KIDINS220: variants seen among roughly 807,000 people sequenced by gnomAD.
KIDINS220 encodes the protein kinase D-interacting substrate of 220 kDa.
KIDINS220 carries 63 observed loss-of-function variants against 157.6 expected under a neutral mutation model. That is an observed-to-expected ratio of 0.40 (90% CI 0.33 to 0.49). The LOEUF (loss-of-function observed/expected upper bound fraction) is 0.49, where lower values mean the gene tolerates loss of function less well. Among genes scored for constraint, KIDINS220 ranks in the 20% least tolerant of loss-of-function variants. KIDINS220 has a pLI of 0.66. For missense variants in KIDINS220, 1,772 were observed against 2,171.2 expected (o/e 0.82, Z 3.65); for synonymous variants, 732 against 783.6 (o/e 0.93, Z 1.10).
At chr2:8,819,896 A>G (rs541283895) in intron 2 of KIDINS220, among the ~76,000 whole-genome samples, 1 of 152,288 alleles carries the variant, frequency 6.6e-6, no homozygotes, top group East Asian at 1.9e-4. Context: ...TAAAGGTACT[A>G]AGACACACTA....
chr2:8,772,337 G>A (rs112111708), intron 21 of KIDINS220, among the ~76,000 whole-genome samples: 3,845 of 152,072 alleles, frequency 0.025, 192 homozygotes, highest in African/African-American at 0.087. Context: ...TTAGCCGAGC[G>A]TGGTGGCAGG....
At chr2:8,785,610 A>C in intron 17 of KIDINS220, 131 bp downstream of exon 17, 1 of 821,734 alleles carries the variant, frequency 1.2e-6, no homozygotes, top group Non-Finnish European at 1.9e-6. Flanking sequence ...CGAATGAATG[A>C]ATGAACAAAT....
At chr2:8,749,462 T>A (rs1395964312) in intron 24 of KIDINS220, 2 of 454,314 alleles carry the variant, frequency 4.4e-6, no homozygotes, top group Non-Finnish European at 8.8e-6. Flanking sequence ...AAAGTGAGAA[T>A]ATAGCTTGGG....
intron 6 of KIDINS220, 59 bp from the exon 7 acceptor site, chr2:8,806,428 C>A: frequency 2.0e-6 from 2 of 1,015,296 alleles, no homozygotes; most frequent in South Asian, 1.6e-5. Flanking sequence ...AAGAAACTAG[C>A]TCTTAACATG....
At chr2:8,799,500 C>T (rs559837483) in intron 9 of KIDINS220, among the ~76,000 whole-genome samples, 34 of 152,172 alleles carry the variant, frequency 2.2e-4, no homozygotes, top group African/African-American at 8.2e-4. Context: ...TTCCAAAAGC[C>T]CCAGACCTTA....
At chr2:8,832,963 T>C (rs1679870890) in intron 1 of KIDINS220, among the ~76,000 whole-genome samples, 1 of 152,218 alleles carries the variant, frequency 6.6e-6, no homozygotes, top group Non-Finnish European at 1.5e-5. Flanking sequence ...TTGGATTACA[T>C]GCATAGGATG....
chr2:8,818,648 C>A, intron 3 of KIDINS220, 47 bp downstream of exon 3: 1 of 1,150,652 alleles, frequency 8.7e-7, no homozygotes, highest in Non-Finnish European at 1.3e-6. Context: ...AAAAAAATAG[C>A]TAAGAAAAAA....
chr2:8,787,515 C>G lies in KIDINS220; in HGVS notation c.1787+1132G>C, dbSNP rs182293987. ...TCCCAAGCAGCTAGAACTACAGGCA[C>G]GCACCACCACACCCAGCTAATTTTT... is the stretch of plus-strand genomic sequence containing the variant. On this transcript the variant is annotated intron_variant, in intron 15 of 29. Coordinates refer to ENST00000256707, the MANE Select transcript of KIDINS220 (RefSeq NM_020738.4). Among the ~76,000 whole-genome samples, 39 of 151,796 alleles carry G rather than the reference C, an allele frequency of 2.6e-4. No homozygotes were observed. In the South Asian group the frequency reaches 8.1e-3, roughly 32 times the overall value.
chr2:8,794,083 G>T, intron 11 of KIDINS220, 96 bp from the exon 12 acceptor site: 3 of 943,644 alleles, frequency 3.2e-6, no homozygotes, highest in South Asian at 2.1e-5. Flanking sequence ...AACAAAATCT[G>T]AACTTTTCTT....
chr2:8,792,061 A>G (rs1673262162), intron 12 of KIDINS220, among the ~76,000 whole-genome samples: 1 of 152,194 alleles, frequency 6.6e-6, no homozygotes, highest in African/African-American at 2.4e-5. Flanking sequence ...ATCATTCATG[A>G]AAAAATTAAA....
chr2:8,758,490 G>A (rs1668328162), intron 22 of KIDINS220, among the ~76,000 whole-genome samples: 1 of 151,958 alleles, frequency 6.6e-6, no homozygotes, highest in African/African-American at 2.4e-5. Context: ...TCAATTTGCT[G>A]GTATTTTCAA....
In KIDINS220 at chr2:8,730,442, G is replaced by A. The variant is rs1240543303; in HGVS notation, c.*278C>T. 1.6e-5 allele frequency: 20 copies of A among 1,233,254 alleles called. No homozygotes were observed. The highest frequency in any genetic ancestry group is 1.1e-4 in the East Asian group (3 of 28,396). 76.4% of individuals were successfully genotyped at this position (1,233,254 alleles called of 1,614,324 possible). ...TATCTTTATACTCAGATCTCACCTC[G>A]TCTCAAAAAGTTTTATGGGGTAATG... On this transcript the variant is annotated 3_prime_UTR_variant, in exon 30 of 30. Transcript: ENST00000256707.
chr2:8,806,152 T>C (rs1675421584), intron 7 of KIDINS220, 119 bp downstream of exon 7: 1 of 673,214 alleles, frequency 1.5e-6, no homozygotes, highest in African/African-American at 1.8e-5. Context: ...TGTTTTCCTG[T>C]TACTATCATT....
intron 26 of KIDINS220, among the ~76,000 whole-genome samples, chr2:8,745,071 G>C (rs1027373409): frequency 6.6e-6 from 1 of 152,036 alleles, no homozygotes; most frequent in African/African-American, 2.4e-5. Flanking sequence ...TCCTTTACTG[G>C]TCCCTAAAAG....
In KIDINS220 at chr2:8,734,770, A is replaced by G; in HGVS notation, c.3718-17T>C. ...TATGTTTGCCTGAGTAAAAATTAAA[A>G]CAATTATGGGTATAAAGACAGAATG... On this transcript the variant is annotated splice_polypyrimidine_tract_variant and intron_variant, in intron 27 of 29. Coordinates refer to ENST00000256707, the MANE Select transcript of KIDINS220 (RefSeq NM_020738.4). 6.5e-7 allele frequency: 1 copy of G among 1,536,830 alleles called. No homozygotes were observed. The highest frequency in any genetic ancestry group is 9.0e-7 in the Non-Finnish European group (1 of 1,113,370).
At position 8,730,464 on chromosome 2, in the gene KIDINS220, A is replaced by C; in HGVS notation, c.*256T>G. On this transcript the variant is annotated 3_prime_UTR_variant, in exon 30 of 30. Transcript: ENST00000256707. ...CTCGTCTCAAAAAGTTTTATGGGGT[A>C]ATGCGCCAATGAAAGGTACAGTAGT... The C allele has an allele frequency of 2.3e-6, 3 of 1,294,806 alleles. No individual in the cohort carries two copies. Among genetic ancestry groups the C allele is most frequent in the East Asian group, 3.1e-5 (1 of 32,666 alleles). The allele number at this position is 1,294,806 out of a possible 1,614,324, so 80.2% of individuals were successfully genotyped here.
intron 7 of KIDINS220, among the ~76,000 whole-genome samples, chr2:8,804,380 T>G (rs1675148229): frequency 6.6e-6 from 1 of 152,252 alleles, no homozygotes; most frequent in Non-Finnish European, 1.5e-5. Context: ...CTGTTTCTTA[T>G]GCATAAATAT....
At chr2:8,726,984 T>C (rs965327525), downstream of KIDINS220, 1 of 1,233,752 alleles carries the variant, frequency 8.1e-7, no homozygotes, top group Non-Finnish European at 1.1e-6. Context: ...GATTGTAAAT[T>C]CTCTATTTAA....
rs1676567199 is a variant in KIDINS220 at position 8,813,179 on chromosome 2, T to C, written c.405+58A>G. 6.3e-6 allele frequency: 7 copies of C among 1,108,788 alleles called. No individual in the cohort carries two copies. The East Asian group carries it at 1.7e-4, about 27-fold the overall frequency. The allele number at this position is 1,108,788 out of a possible 1,614,324, so 68.7% of individuals were successfully genotyped here. A position where few individuals can be genotyped will look rare whatever the true frequency, so the allele number is the denominator to read the frequency against. ...GAAGCCAAATATAATCAACCTTAAG[T>C]ATTCCCTAAGAAAACTTACCACTTA... On this transcript the variant is annotated intron_variant, in intron 5 of 29. Coordinates refer to ENST00000256707, the MANE Select transcript of KIDINS220 (RefSeq NM_020738.4).
Sources: allele counts gnomAD v4.1 joint callset (sites outside exome capture counted in the v4.1 genomes callset), GRCh38; gene constraint gnomAD v4.1.1; transcripts MANE v1.5; gene names NCBI Gene and HGNC (gene_info 2026-07-23, HGNC 2026-07-21).